Variants in HHLA2 observed in about 807,000 individuals in gnomAD.
HHLA2 encodes the protein HERV-H LTR-associating protein 2.
Under a neutral mutation model 45.9 loss-of-function variants are expected in HHLA2, and 48 were observed. The ratio of observed to expected loss-of-function variants is 1.05; its 90% confidence interval spans 0.83 to 1.33. The LOEUF (loss-of-function observed/expected upper bound fraction) is 1.33. Among genes scored for constraint, HHLA2 ranks in the 40% most tolerant of loss-of-function variants. HHLA2 has a pLI of 0.00. For synonymous variants in HHLA2, 161 were observed against 173.9 expected, an observed-to-expected ratio of 0.93 and a Z score of 0.59; for missense variants, 462 against 494.3, an observed-to-expected ratio of 0.93 and a Z score of 0.62.
intron 3 of HHLA2, among the ~76,000 whole-genome samples, chr3:108,339,157 T>C (rs2081523481): frequency 1.3e-5 from 2 of 152,218 alleles, no homozygotes; most frequent in African/African-American, 4.8e-5. Context: ...TAGTTATGAC[T>C]ATAAAACCAT....
chr3:108,300,500 G>A (rs1169731278), intron 1 of HHLA2, among the ~76,000 whole-genome samples: 1 of 152,172 alleles, frequency 6.6e-6, no homozygotes, highest in Non-Finnish European at 1.5e-5. Flanking sequence ...GCCAATAATA[G>A]GAAAAGCATG....
intron 2 of HHLA2, among the ~76,000 whole-genome samples, chr3:108,321,937 G>T (rs982106874): frequency 1.3e-5 from 2 of 152,022 alleles, no homozygotes; most frequent in Non-Finnish European, 2.9e-5. Flanking sequence ...ATGCCATTCT[G>T]TTCCTTTTTT....
intron 8 of HHLA2, among the ~76,000 whole-genome samples, chr3:108,366,777 T>C (rs1210708927): frequency 1.3e-5 from 2 of 152,270 alleles, no homozygotes; most frequent in Admixed American, 6.5e-5. Context: ...TATAGTATTC[T>C]CTAATAGTAG....
intron 1 of HHLA2, among the ~76,000 whole-genome samples, chr3:108,306,890 C>G (rs957609802): frequency 1.3e-5 from 2 of 152,056 alleles, no homozygotes; most frequent in Non-Finnish European, 2.9e-5. Flanking sequence ...GAGTCTCGCT[C>G]TGTCACACAG....
intron 8 of HHLA2, among the ~76,000 whole-genome samples, chr3:108,364,406 G>C (rs539044227): frequency 2.4e-4 from 37 of 152,290 alleles, no homozygotes; most frequent in African/African-American, 8.7e-4. Flanking sequence ...ATGGGCATTT[G>C]GGTTGGTTCC....
At chr3:108,366,640 G>C (rs1410249723) in intron 8 of HHLA2, among the ~76,000 whole-genome samples, 2 of 152,128 alleles carry the variant, frequency 1.3e-5, no homozygotes, top group Non-Finnish European at 1.5e-5. Context: ...ATTAATTACT[G>C]CTTCAATTTC....
intron 8 of HHLA2, among the ~76,000 whole-genome samples, chr3:108,368,327 C>T (rs372602200): frequency 6.6e-6 from 1 of 151,792 alleles, no homozygotes; most frequent in Non-Finnish European, 1.5e-5. Context: ...TAGCCAGCAT[C>T]ATGATGACAG....
chr3:108,366,212 C>A (rs1366039968), intron 8 of HHLA2, among the ~76,000 whole-genome samples: 2 of 152,098 alleles, frequency 1.3e-5, no homozygotes, highest in African/African-American at 2.4e-5. Flanking sequence ...TGATTGAAGG[C>A]CTTTTCTGCA....
At chr3:108,365,724 T>C (rs2082052918) in intron 8 of HHLA2, among the ~76,000 whole-genome samples, 1 of 152,192 alleles carries the variant, frequency 6.6e-6, no homozygotes, top group Admixed American at 6.5e-5. Flanking sequence ...TATTCCTAGG[T>C]ATTTTATCTT....
intron 3 of HHLA2, among the ~76,000 whole-genome samples, chr3:108,341,520 A>T (rs2081571041): frequency 6.6e-6 from 1 of 152,180 alleles, no homozygotes; most frequent in South Asian, 2.1e-4. Flanking sequence ...CTTACATTTT[A>T]CATTACTCTG....
intron 2 of HHLA2, among the ~76,000 whole-genome samples, chr3:108,321,189 GGT>G (rs1370388124): frequency 6.6e-6 from 1 of 150,654 alleles, no homozygotes; most frequent in Non-Finnish European, 1.5e-5. Context: ...TCTCCAGTCT[GGT>G]CCAGATTCCA....
intron 8 of HHLA2, among the ~76,000 whole-genome samples, chr3:108,369,449 G>A (rs967288318): frequency 2.4e-4 from 37 of 152,170 alleles, no homozygotes; most frequent in African/African-American, 7.2e-4. Context: ...TCACTGGGGA[G>A]TGCCTGACAG....
chr3:108,336,822 C>T lies in HHLA2; in HGVS notation c.-27+8475C>T, dbSNP rs532853005. Among the ~76,000 whole-genome samples, 13 of 151,676 alleles carry T rather than the reference C, an allele frequency of 8.6e-5. No individual in the cohort carries two copies. The South Asian group carries it at 2.1e-3, about 24-fold the overall frequency. ...TCCATTAAAAAAAAAAATGAGGGGC[C>T]GGCCAAAGGTAAGGAGATTACATTA... On this transcript the variant is annotated intron_variant, in intron 3 of 10. Transcript: ENST00000619531.
intron 3 of HHLA2, among the ~76,000 whole-genome samples, chr3:108,348,594 G>A (rs969719430): frequency 6.6e-6 from 1 of 152,082 alleles, no homozygotes; most frequent in Non-Finnish European, 1.5e-5. Flanking sequence ...TCAGGAGAGA[G>A]AGAGAGATCC....
At chr3:108,309,453 G>C (rs1230842288) in intron 1 of HHLA2, among the ~76,000 whole-genome samples, 1 of 152,080 alleles carries the variant, frequency 6.6e-6, no homozygotes, top group Non-Finnish European at 1.5e-5. Context: ...GATTCCTCCT[G>C]TTTTGTTCTG....
At chr3:108,368,455 A>C (rs2082103924) in intron 8 of HHLA2, among the ~76,000 whole-genome samples, 1 of 145,710 alleles carries the variant, frequency 6.9e-6, no homozygotes, top group African/African-American at 2.5e-5. Flanking sequence ...TGCTGTATTC[A>C]GGAGTCCCAT....
At chr3:108,328,220 C>A in intron 2 of HHLA2, 1 of 814,330 alleles carries the variant, frequency 1.2e-6, no homozygotes, top group South Asian at 2.2e-5. Flanking sequence ...TACTGGTCAT[C>A]TGGGGCATTG....
At chr3:108,357,062 A>T (rs1433652813) in intron 6 of HHLA2, among the ~76,000 whole-genome samples, 2 of 152,356 alleles carry the variant, frequency 1.3e-5, no homozygotes, top group East Asian at 3.9e-4. Flanking sequence ...ACACGTTGCT[A>T]AGGAGCTTGT....
chr3:108,313,489 C>T (rs1181948390), intron 2 of HHLA2, among the ~76,000 whole-genome samples: 1 of 152,180 alleles, frequency 6.6e-6, no homozygotes, highest in African/African-American at 2.4e-5. Flanking sequence ...GATATTACCT[C>T]CTCTCTTTCT....
Sources: allele counts gnomAD v4.1 joint callset (sites outside exome capture counted in the v4.1 genomes callset), GRCh38; gene constraint gnomAD v4.1.1; transcripts MANE v1.5; gene names NCBI Gene and HGNC (gene_info 2026-07-23, HGNC 2026-07-21).